The following EFCAB6 variants were observed in gnomAD, a reference collection of about 807,000 sequenced individuals.
EFCAB6 encodes EF-hand calcium-binding domain-containing protein 6.
A neutral mutation model predicts 169.8 loss-of-function variants in EFCAB6; 156 were observed. That is an observed-to-expected ratio of 0.92 (90% CI 0.81 to 1.05). EFCAB6 has a LOEUF of 1.05. Ranked by LOEUF, EFCAB6 falls within the 50% of genes least tolerant of loss-of-function variation. EFCAB6 has a pLI of 0.00. For missense variants in EFCAB6, 1,800 were observed against 1,829.1 expected (o/e 0.98, Z 0.29); for synonymous variants, 698 against 676.4 (o/e 1.03, Z -0.50).
chr22:43,784,556 T>TACACATATATGTGTATATACAC (rs1569487221), intron 2 of EFCAB6, among the ~76,000 whole-genome samples: 2 of 73,060 alleles, frequency 2.7e-5, no homozygotes, highest in Non-Finnish European at 5.1e-5. Context: ...TATGTATATA[T>TACACATATATGTGTATATACAC]ACACATATAT....
intron 12 of EFCAB6, among the ~76,000 whole-genome samples, chr22:43,680,232 T>C (rs2057948935): frequency 6.6e-6 from 1 of 152,210 alleles, no homozygotes; most frequent in Admixed American, 6.5e-5. Flanking sequence ...CCCCACTGAA[T>C]TTGTCAAAAA....
intron 21 of EFCAB6, among the ~76,000 whole-genome samples, chr22:43,611,599 C>G (rs987263217): frequency 6.6e-6 from 1 of 152,044 alleles, no homozygotes; most frequent in African/African-American, 2.4e-5. Flanking sequence ...GAGTTCAAGA[C>G]AAGTCTGGGA....
intron 8 of EFCAB6, among the ~76,000 whole-genome samples, chr22:43,728,395 A>T (rs917499739): frequency 3.3e-5 from 5 of 152,230 alleles, no homozygotes; most frequent in African/African-American, 1.2e-4. Flanking sequence ...TCTTTATAGT[A>T]GAATGATTTA....
intron 31 of EFCAB6, 78 bp from the exon 32 acceptor site, chr22:43,529,053 G>C: frequency 1.4e-6 from 2 of 1,457,206 alleles, no homozygotes; most frequent in South Asian, 2.8e-5. Flanking sequence ...GGAAGGGGCT[G>C]GGGGACACAT....
chr22:43,769,710 T>C (rs770091534), intron 4 of EFCAB6, among the ~76,000 whole-genome samples: 2 of 152,054 alleles, frequency 1.3e-5, no homozygotes, highest in Non-Finnish European at 2.9e-5. Flanking sequence ...CATCACAGTG[T>C]TGGAGGAGCC....
In EFCAB6 at chr22:43,705,551, T is replaced by G. The variant is rs542961665; in HGVS notation, c.1031+5924A>C. ...TTTTCTGACCACAATGATCTAAAAC[T>G]AGAAACCAATAATGGGGAATTTTGA... On this transcript the variant is annotated intron_variant, in intron 10 of 31. Transcript: ENST00000262726. Among the ~76,000 whole-genome samples the G allele has an allele frequency of 5.3e-5, 8 of 152,182 alleles. No homozygotes were observed. The East Asian group carries it at 7.7e-4, about 15-fold the overall frequency.
intron 10 of EFCAB6, among the ~76,000 whole-genome samples, chr22:43,711,067 A>G (rs898276422): frequency 8.5e-5 from 13 of 152,354 alleles, no homozygotes; most frequent in African/African-American, 3.1e-4. Context: ...TTTAAATTAG[A>G]AAACATGAGG....
chr22:43,545,389 C>T (rs1334835301), intron 27 of EFCAB6, among the ~76,000 whole-genome samples: 4 of 152,150 alleles, frequency 2.6e-5, no homozygotes, highest in Non-Finnish European at 4.4e-5. Flanking sequence ...AATAAGCCTC[C>T]GTTCACAAAA....
At chr22:43,591,744 T>G (rs1602473857) in intron 23 of EFCAB6, among the ~76,000 whole-genome samples, 1 of 152,182 alleles carries the variant, frequency 6.6e-6, no homozygotes, top group African/African-American at 2.4e-5. Context: ...TGCAGAGATG[T>G]GTGATCTCAA....
chr22:43,727,022 A>T (rs1341453583), intron 8 of EFCAB6, among the ~76,000 whole-genome samples: 1 of 152,278 alleles, frequency 6.6e-6, no homozygotes, highest in Non-Finnish European at 1.5e-5. Flanking sequence ...TCAAGAAGAA[A>T]GGTAATCAAT....
intron 11 of EFCAB6, among the ~76,000 whole-genome samples, chr22:43,687,052 A>G (rs928210599): frequency 6.6e-6 from 1 of 152,240 alleles, no homozygotes; most frequent in Non-Finnish European, 1.5e-5. Context: ...TGGAAAACAA[A>G]TCAACATATA....
rs370846482 is a variant in EFCAB6, at chr22:43,740,636, A to C, written c.508-4643T>G. Among the ~76,000 whole-genome samples the C allele has an allele frequency of 1.9e-4, 29 of 152,224 alleles. 1 individual carries two copies. The highest frequency in any genetic ancestry group is 1.3e-3 in the East Asian group (7 of 5,192). On this transcript the variant is annotated intron_variant, in intron 6 of 31. Transcript: ENST00000262726. The stretch of plus-strand genomic sequence containing the variant: ...CAGCCTCCTGACTAGAGAACAGCTG[A>C]CAACCAAAGAACATTGGCTAACATG...
chr22:43,551,311 C>T (rs1384128390), intron 27 of EFCAB6, among the ~76,000 whole-genome samples: 1 of 152,202 alleles, frequency 6.6e-6, no homozygotes, highest in Non-Finnish European at 1.5e-5. Flanking sequence ...CATCCAGGGG[C>T]ATTTGCCCCA....
At chr22:43,720,793 T>C (rs1379446709) in intron 8 of EFCAB6, among the ~76,000 whole-genome samples, 1 of 151,294 alleles carries the variant, frequency 6.6e-6, no homozygotes, top group African/African-American at 2.4e-5. Context: ...ATGATATGAA[T>C]CACTGAGAAG....
chr22:43,547,210 C>CG (rs2048110222), intron 27 of EFCAB6, among the ~76,000 whole-genome samples: 1 of 152,082 alleles, frequency 6.6e-6, no homozygotes, highest in Non-Finnish European at 1.5e-5. Context: ...TGCCCTGTAG[C>CG]GCTCATGAGG....
chr22:43,618,218 GAAA>G lies in EFCAB6; in HGVS notation c.2466-2299_2466-2297del, dbSNP rs1569257463. 2.3e-4 allele frequency among the ~76,000 whole-genome samples: 31 copies of G among 135,736 alleles called. 2 individuals carry two copies. The highest frequency in any genetic ancestry group is 1.3e-3 in the South Asian group (5 of 3,866). The allele number at this position is 135,736 out of a possible 152,430, so 89.0% of individuals were successfully genotyped here. ...AGAAAGAAAGAAAGAAAGAAAGAAAGAAAGAGAAAGAAAGAAAGAGAGAGAAAG... is the reference window on the plus strand; with the variant it reads ...AGAAAGAAAGAAAGAAAGAAAGAAAGGAGAAAGAAAGAAAGAGAGAGAAAG... On this transcript the variant is annotated intron_variant, in intron 20 of 31. Transcript: ENST00000262726.
chr22:43,755,313 AAC>A (rs1164894207), intron 6 of EFCAB6, among the ~76,000 whole-genome samples: 1 of 152,226 alleles, frequency 6.6e-6, no homozygotes, highest in African/African-American at 2.4e-5. Context: ...TCTTTTTCTA[AAC>A]ACATAGTAGC....
chr22:43,617,041 T>A (rs753559655), intron 20 of EFCAB6, among the ~76,000 whole-genome samples: 29 of 152,172 alleles, frequency 1.9e-4, no homozygotes, highest in Non-Finnish European at 3.2e-4. Flanking sequence ...GCACCACTGG[T>A]ACTACAACCT....
intron 22 of EFCAB6, among the ~76,000 whole-genome samples, chr22:43,601,728 G>A (rs1355590274): frequency 6.6e-6 from 1 of 152,364 alleles, no homozygotes; most frequent in East Asian, 1.9e-4. Context: ...AGGAGAGAAA[G>A]CAGATAGACG....
Sources: gnomAD v4.1 joint callset for allele counts (sites outside exome capture counted in the v4.1 genomes callset) on GRCh38, gnomAD v4.1.1 for gene constraint, MANE v1.5 for transcripts, NCBI Gene and HGNC (gene_info 2026-07-23, HGNC 2026-07-21) for gene names.